The following COG3 variants were observed in gnomAD, a reference collection of about 807,000 sequenced individuals.
COG3 encodes the protein conserved oligomeric Golgi complex subunit 3.
Under a neutral mutation model 114.1 loss-of-function variants are expected in COG3, and 32 were observed. The ratio of observed to expected loss-of-function variants is 0.28; its 90% CI spans 0.21 to 0.38. The LOEUF is 0.38. COG3 is among the 10% of genes least tolerant of loss of function. The pLI is 1.00. For synonymous variants in COG3, 352 were observed against 365.7 expected (o/e 0.96, Z 0.43); for missense variants, 813 against 973.2 (o/e 0.84, Z 2.19).
intron 21 of COG3, 56 bp downstream of exon 21, chr13:45,529,974 C>T: frequency 5.8e-6 from 9 of 1,547,972 alleles, no homozygotes; most frequent in East Asian, 2.4e-5. Flanking sequence ...TATTCTTTGC[C>T]TCATTTACCA....
At chr13:45,491,626 T>C (rs1159541820) in intron 10 of COG3, 88 bp downstream of exon 10, 5 of 1,265,848 alleles carry the variant, frequency 3.9e-6, no homozygotes, top group Non-Finnish European at 1.1e-6. Flanking sequence ...TAAATAAGAT[T>C]TGGGGCCCAT....
intron 14 of COG3, among the ~76,000 whole-genome samples, chr13:45,509,353 T>A (rs1312049294): frequency 6.6e-6 from 1 of 152,230 alleles, no homozygotes; most frequent in Non-Finnish European, 1.5e-5. Flanking sequence ...GCCTCCTTTT[T>A]AATGGCTGCA....
intron 13 of COG3, 75 bp downstream of exon 13, chr13:45,496,387 AT>A: frequency 8.9e-7 from 1 of 1,126,540 alleles, no homozygotes; most frequent in Non-Finnish European, 1.1e-6. Flanking sequence ...TTTTTTAAAA[AT>A]TTATATATTA....
chr13:45,534,745 G>A lies in COG3; in HGVS notation c.*14G>A. The A allele has an allele frequency of 5.1e-6, 8 of 1,555,406 alleles. No homozygotes were observed. The highest frequency in any genetic ancestry group is 7.0e-6 in the Non-Finnish European group (8 of 1,149,458). On this transcript the variant is annotated 3_prime_UTR_variant, in exon 23 of 23. Transcript: ENST00000349995. Reference sequence around the variant, plus strand: ...GTTTCTAAATAAGCAGGCCAGCCGGGCTGTGCACCTAAATGTCTGTCTGGG... The same window carrying A: ...GTTTCTAAATAAGCAGGCCAGCCGGACTGTGCACCTAAATGTCTGTCTGGG...
intron 11 of COG3, among the ~76,000 whole-genome samples, chr13:45,492,692 A>G (rs1349158756): frequency 6.6e-6 from 1 of 152,126 alleles, no homozygotes; most frequent in East Asian, 1.9e-4. Flanking sequence ...TGGTTTCTTA[A>G]TGTTCACTCT....
chr13:45,535,449 G>A lies in COG3; in HGVS notation c.*718G>A. On this transcript the variant is annotated 3_prime_UTR_variant, in exon 23 of 23. Coordinates refer to ENST00000349995, the MANE Select transcript of COG3 (RefSeq NM_031431.4). ...TAGATACGTGCAGTATCTTTAATGA[G>A]TATCTTCATGGTATGATAGTGTGTG... 2 of 985,424 alleles carry A rather than the reference G, an allele frequency of 2.0e-6. No individual in the cohort carries two copies. The highest frequency in any genetic ancestry group is 2.4e-6 in the Non-Finnish European group (2 of 829,938). 61.0% of individuals were successfully genotyped at this position (985,424 alleles called of 1,614,324 possible). A position where few individuals can be genotyped will look rare whatever the true frequency, so the allele number is the denominator to read the frequency against.
At chr13:45,491,293 C>A (rs1390431443) in intron 9 of COG3, 119 bp from the exon 10 acceptor site, 3 of 947,604 alleles carry the variant, frequency 3.2e-6, no homozygotes, top group African/African-American at 1.7e-5. Context: ...TTAATGTGGG[C>A]AAATGAGAGG....
chr13:45,496,411 GGTTTCCCCTT>G, intron 13 of COG3, 99 bp downstream of exon 13: 1 of 964,214 alleles, frequency 1.0e-6, no homozygotes, highest in East Asian at 4.0e-5. Context: ...ATAGAGACAG[GGTTTCCCCTT>G]GTTGCCCAGG....
intron 21 of COG3, 46 bp from the exon 22 acceptor site, chr13:45,530,636 G>C: frequency 8.5e-7 from 1 of 1,170,036 alleles, no homozygotes; most frequent in Non-Finnish European, 1.3e-6. Flanking sequence ...GGTGCTTCGT[G>C]TTTAAGACAA....
chr13:45,534,273 T>A (rs1304105363), intron 22 of COG3, among the ~76,000 whole-genome samples: 1 of 152,230 alleles, frequency 6.6e-6, no homozygotes, highest in African/African-American at 2.4e-5. Context: ...TGTCAGTGTT[T>A]GTATATAGTT....
At chr13:45,521,802 CTTTTTT>C (rs59075597) in intron 19 of COG3, among the ~76,000 whole-genome samples, 4 of 111,398 alleles carry the variant, frequency 3.6e-5, no homozygotes, top group Non-Finnish European at 5.7e-5. Flanking sequence ...ATTTAGTTAG[CTTTTTT>C]TTTTTTTTTT....
chr13:45,502,613 C>A (rs1460269285), intron 13 of COG3, among the ~76,000 whole-genome samples: 3 of 151,958 alleles, frequency 2.0e-5, no homozygotes, highest in Non-Finnish European at 4.4e-5. Context: ...CTAATCAATT[C>A]TCTGGCTATT....
chr13:45,525,396 A>G (rs1275448231), intron 20 of COG3, among the ~76,000 whole-genome samples: 1 of 152,156 alleles, frequency 6.6e-6, no homozygotes, highest in African/African-American at 2.4e-5. Flanking sequence ...GGAAGAAATT[A>G]TGGCGAGTGT....
chr13:45,531,289 A>C, intron 22 of COG3: 1 of 154,446 alleles, frequency 6.5e-6, no homozygotes, highest in East Asian at 1.9e-4. Context: ...GATTGAAAAC[A>C]TGGAAGTTAC....
chr13:45,502,526 G>C (rs1252677817), intron 13 of COG3, among the ~76,000 whole-genome samples: 1 of 152,156 alleles, frequency 6.6e-6, no homozygotes, highest in Non-Finnish European at 1.5e-5. Context: ...TCTGCATGCC[G>C]TTTAGGAATT....
chr13:45,490,543 G>T (rs1886955040), intron 8 of COG3, among the ~76,000 whole-genome samples: 1 of 151,986 alleles, frequency 6.6e-6, no homozygotes, highest in Non-Finnish European at 1.5e-5. Context: ...ATGATTCATT[G>T]AGTGTTGACT....
At chr13:45,471,253 G>A (rs9595324) in intron 1 of COG3, among the ~76,000 whole-genome samples, 21 of 146,592 alleles carry the variant, frequency 1.4e-4, no homozygotes, top group Admixed American at 2.1e-4. Context: ...AAAAAAAAAA[G>A]AAAAAAAAAT....
At chr13:45,488,683 C>T (rs565724619) in intron 8 of COG3, among the ~76,000 whole-genome samples, 10 of 151,946 alleles carry the variant, frequency 6.6e-5, no homozygotes, top group African/African-American at 9.7e-5. Flanking sequence ...ATTCATTCTA[C>T]GTAGCAGGAG....
At chr13:45,471,193 C>T (rs911181390) in intron 1 of COG3, among the ~76,000 whole-genome samples, 2 of 151,836 alleles carry the variant, frequency 1.3e-5, no homozygotes, top group Non-Finnish European at 2.9e-5. Flanking sequence ...TGCTTGAGCT[C>T]AGGAGTTCAA....
Sources: allele counts gnomAD v4.1 joint callset (sites outside exome capture counted in the v4.1 genomes callset), GRCh38; gene constraint gnomAD v4.1.1; transcripts MANE v1.5; gene names NCBI Gene and HGNC (gene_info 2026-07-23, HGNC 2026-07-21).